INPP4B: variants seen among roughly 807,000 people sequenced by gnomAD.
INPP4B encodes the protein inositol polyphosphate 4-phosphatase type II.
A neutral mutation model predicts 122.5 loss-of-function variants in INPP4B; 55 were observed. That is an observed-to-expected ratio of 0.45 (90% CI 0.36 to 0.56). INPP4B has a LOEUF of 0.56. INPP4B is among the 20% of genes least tolerant of loss of function. The pLI is 0.00. For missense variants in INPP4B, 1,000 were observed against 1,097.7 expected (o/e 0.91, Z 1.26); for synonymous variants, 403 against 388.7 (o/e 1.04, Z -0.43).
At chr4:142,806,754 GAAGAAGA>G (rs1222048737) in intron 1 of INPP4B, among the ~76,000 whole-genome samples, 2 of 75,600 alleles carry the variant, frequency 2.6e-5, no homozygotes, top group Non-Finnish European at 5.1e-5. Flanking sequence ...AAAAAAAGAA[GAAGAAGA>G]AAGAAGAAAG....
At chr4:142,258,597 GA>G (rs1215608490) in intron 11 of INPP4B, among the ~76,000 whole-genome samples, 2 of 152,086 alleles carry the variant, frequency 1.3e-5, no homozygotes, top group African/African-American at 2.4e-5. Flanking sequence ...AAAAACACAT[GA>G]AAAAATGCTC....
chr4:142,839,132 C>G lies in INPP4B; in HGVS notation c.-254+7077G>C, dbSNP rs144251623. On this transcript the variant is annotated intron_variant, in intron 1 of 25. Transcript: ENST00000262992. Reference sequence around the variant, plus strand: ...AGCTAAGTTGTTGTATTCCATGGGTCTGCTATATCTACAATGTCTGCCGCT... The same window carrying G: ...AGCTAAGTTGTTGTATTCCATGGGTGTGCTATATCTACAATGTCTGCCGCT... 4.6e-5 allele frequency among the ~76,000 whole-genome samples: 7 copies of G among 152,284 alleles called. No individual in the cohort carries two copies. The East Asian group carries it at 1.4e-3, about 29-fold the overall frequency.
intron 1 of INPP4B, among the ~76,000 whole-genome samples, chr4:142,784,775 C>T (rs372459879): frequency 6.6e-6 from 1 of 151,906 alleles, no homozygotes; most frequent in Non-Finnish European, 1.5e-5. Flanking sequence ...AAGAGTAACC[C>T]TTTTACAATG....
At chr4:142,628,629 A>ATTAT (rs1747158103) in intron 2 of INPP4B, among the ~76,000 whole-genome samples, 1 of 150,080 alleles carries the variant, frequency 6.7e-6, no homozygotes, top group African/African-American at 2.4e-5. Flanking sequence ...CCCTGCCATG[A>ATTAT]TTATTCCCAT....
intron 23 of INPP4B, among the ~76,000 whole-genome samples, chr4:142,104,124 A>C (rs906653360): frequency 4.6e-5 from 7 of 152,054 alleles, no homozygotes; most frequent in African/African-American, 2.4e-5. Context: ...TAAAGCACAA[A>C]AGATATGGGC....
At chr4:142,451,801 G>A (rs1340080930) in intron 3 of INPP4B, among the ~76,000 whole-genome samples, 2 of 152,164 alleles carry the variant, frequency 1.3e-5, no homozygotes, top group East Asian at 1.9e-4. Context: ...TGAACAAACA[G>A]AAGCACTGAG....
At chr4:142,652,885 A>G (rs541989832) in intron 2 of INPP4B, among the ~76,000 whole-genome samples, 1 of 152,238 alleles carries the variant, frequency 6.6e-6, no homozygotes, top group African/African-American at 2.4e-5. Flanking sequence ...ATGGAACCAA[A>G]AAAGAGCCTG....
At chr4:142,483,181 G>GTTTTTT (rs1231258221) in intron 2 of INPP4B, among the ~76,000 whole-genome samples, 1 of 72,396 alleles carries the variant, frequency 1.4e-5, no homozygotes, top group African/African-American at 8.5e-5. Context: ...GTCAGGCTAT[G>GTTTTTT]CTTTTTTTTT....
intron 25 of INPP4B, among the ~76,000 whole-genome samples, chr4:142,062,154 C>T (rs1381435174): frequency 1.3e-5 from 2 of 152,022 alleles, no homozygotes; most frequent in African/African-American, 4.8e-5. Context: ...GTATAAAGTA[C>T]TCAGAAAAGC....
At chr4:142,355,727 G>A (rs1375949477) in intron 7 of INPP4B, among the ~76,000 whole-genome samples, 2 of 151,934 alleles carry the variant, frequency 1.3e-5, no homozygotes, top group Non-Finnish European at 2.9e-5. Flanking sequence ...CCAGTTTCTG[G>A]CAAGACTAAA....
chr4:142,446,718 A>G (rs1201429856), intron 3 of INPP4B, among the ~76,000 whole-genome samples: 1 of 152,198 alleles, frequency 6.6e-6, no homozygotes, highest in African/African-American at 2.4e-5. Context: ...GATAAACTTC[A>G]CAAAGTACTG....
intron 25 of INPP4B, among the ~76,000 whole-genome samples, chr4:142,033,654 A>T (rs558340876): frequency 1.4e-5 from 2 of 146,664 alleles, no homozygotes; most frequent in South Asian, 4.3e-4. Context: ...TCTCCTAAGT[A>T]AGTTCTCCAT....
chr4:142,036,852 A>G (rs533551190), intron 25 of INPP4B, among the ~76,000 whole-genome samples: 75 of 152,340 alleles, frequency 4.9e-4, no homozygotes, highest in Non-Finnish European at 8.4e-4. Context: ...ACTGTATCAG[A>G]GTAGACACAG....
chr4:142,727,882 C>A (rs76292543), intron 1 of INPP4B, among the ~76,000 whole-genome samples: 4,387 of 152,150 alleles, frequency 0.029, 80 homozygotes, highest in Non-Finnish European at 0.041. Flanking sequence ...TGTCCCCCAA[C>A]CCCCAAAAAA....
intron 2 of INPP4B, among the ~76,000 whole-genome samples, chr4:142,477,087 A>G (rs1819885308): frequency 6.6e-6 from 1 of 152,202 alleles, no homozygotes; most frequent in African/African-American, 2.4e-5. Context: ...GTGAAATCAT[A>G]CCAAACACAC....
At chr4:142,171,498 T>A (rs1825625338) in intron 16 of INPP4B, among the ~76,000 whole-genome samples, 1 of 151,908 alleles carries the variant, frequency 6.6e-6, no homozygotes, top group Non-Finnish European at 1.5e-5. Context: ...TACATCCCAC[T>A]AATATTCAAT....
chr4:142,347,682 A>G (rs1381057552), intron 7 of INPP4B: 38 of 315,126 alleles, frequency 1.2e-4, no homozygotes, highest in African/African-American at 1.8e-4. Context: ...AATAATTTCT[A>G]TGTAAACTTT....
chr4:142,134,240 T>C (rs1213506871), intron 18 of INPP4B, among the ~76,000 whole-genome samples: 1 of 152,220 alleles, frequency 6.6e-6, no homozygotes, highest in Non-Finnish European at 1.5e-5. Flanking sequence ...CTTAAAACTT[T>C]GTACATTATT....
At chr4:142,639,307 C>T (rs1368723836) in intron 2 of INPP4B, among the ~76,000 whole-genome samples, 1 of 152,086 alleles carries the variant, frequency 6.6e-6, no homozygotes, top group Non-Finnish European at 1.5e-5. Flanking sequence ...CTGCTTCTAC[C>T]ATCTGAATGT....
Sources: gnomAD v4.1 joint callset for allele counts (sites outside exome capture counted in the v4.1 genomes callset) on GRCh38, gnomAD v4.1.1 for gene constraint, MANE v1.5 for transcripts, NCBI Gene and HGNC (gene_info 2026-07-23, HGNC 2026-07-21) for gene names.